SHQ1: variants seen among roughly 807,000 people sequenced by gnomAD.
SHQ1 encodes the protein protein SHQ1 homolog.
In SHQ1, 49 loss-of-function variants were observed where a neutral mutation model predicts 53.8. The ratio of observed to expected loss-of-function variants is 0.91; its 90% CI spans 0.72 to 1.16. The LOEUF (loss-of-function observed/expected upper bound fraction) is 1.16, where lower values mean the gene tolerates loss of function less well. Ranked by LOEUF, SHQ1 falls within the 50% of genes most tolerant of loss-of-function variation. The probability of loss-of-function intolerance (pLI) is 0.00; values close to 1 mark genes in which losing one functional copy is unlikely to be tolerated. For synonymous variants in SHQ1, 243 were observed against 251.0 expected, an observed-to-expected ratio of 0.97 and a Z score of 0.30; for missense variants, 738 against 683.1, an observed-to-expected ratio of 1.08 and a Z score of -0.90.
At chr3:72,808,103 T>G (rs1227714660) in intron 9 of SHQ1, among the ~76,000 whole-genome samples, 1 of 152,098 alleles carries the variant, frequency 6.6e-6, no homozygotes, top group Non-Finnish European at 1.5e-5. Flanking sequence ...ACTGTCCAAA[T>G]ATTAATAGAA....
rs1705326887 is a variant in SHQ1 at position 72,749,820 on chromosome 3, T to TA, written c.*463dup. 1 of 223,762 alleles carries TA rather than the reference T, an allele frequency of 4.5e-6. No homozygotes were observed. Among genetic ancestry groups the TA allele is most frequent in the African/African-American group, 2.2e-5 (1 of 44,754 alleles). The allele number at this position is 223,762 out of a possible 1,614,324, so 13.9% of individuals were successfully genotyped here. A position where few individuals can be genotyped will look rare whatever the true frequency, so the allele number is the denominator to read the frequency against. On this transcript the variant is annotated 3_prime_UTR_variant, in exon 11 of 11. Transcript: ENST00000325599. ...GTCGCGGCAAGGAAAACAAAAGGTA[T>TA]AAACATTCATTGGTTGAAAAACAAT...
chr3:72,741,925 A>G, the SHQ1 span, among the ~76,000 whole-genome samples: 1 of 152,260 alleles, frequency 6.6e-6, no homozygotes, highest in African/African-American at 2.4e-5. Context: ...TTTAAAGCAT[A>G]CAAGAGAATG....
At chr3:72,751,667 T>C (rs1705386020) in intron 10 of SHQ1, among the ~76,000 whole-genome samples, 1 of 151,708 alleles carries the variant, frequency 6.6e-6, no homozygotes, top group Non-Finnish European at 1.5e-5. Flanking sequence ...CTCTTAAATA[T>C]ATTAGATGTT....
At position 72,832,489 on chromosome 3, in the gene SHQ1, C is replaced by A. The variant is rs757385324; in HGVS notation, c.487-8G>T. On this transcript the variant is annotated splice_polypyrimidine_tract_variant and splice_region_variant and intron_variant, in intron 4 of 10. Transcript: ENST00000325599. ...AACATCACTCAGTTCATCCTGAGGA[C>A]ACCCAGAAAAGAAAGAATAATTGCT... 1.9e-6 allele frequency: 3 copies of A among 1,563,098 alleles called. No individual in the cohort carries two copies. Among genetic ancestry groups the A allele is most frequent in the Non-Finnish European group, 1.7e-6 (2 of 1,150,302 alleles).
intron 6 of SHQ1, among the ~76,000 whole-genome samples, chr3:72,824,045 C>A (rs561434979): frequency 6.6e-6 from 1 of 152,162 alleles, no homozygotes; most frequent in Admixed American, 6.5e-5. Context: ...GGTCTTCCCC[C>A]CGCCCGTTAC....
chr3:72,738,150 T>C, the SHQ1 span, among the ~76,000 whole-genome samples: 1 of 152,136 alleles, frequency 6.6e-6, no homozygotes, highest in African/African-American at 2.4e-5. Flanking sequence ...CTTTGGGAGA[T>C]CTTCCATGGC....
At chr3:72,758,626 A>C (rs1705549476) in intron 10 of SHQ1, among the ~76,000 whole-genome samples, 1 of 145,930 alleles carries the variant, frequency 6.9e-6, no homozygotes, top group South Asian at 2.1e-4. Context: ...CTGGAATGCA[A>C]TGGCACGATC....
intron 8 of SHQ1, among the ~76,000 whole-genome samples, chr3:72,814,095 T>G (rs915299330): frequency 2.0e-5 from 3 of 152,174 alleles, no homozygotes; most frequent in Admixed American, 2.0e-4. Context: ...ATAATTTACA[T>G]GTACATTAAT....
At chr3:72,804,007 C>A (rs1706866973) in intron 9 of SHQ1, among the ~76,000 whole-genome samples, 1 of 152,144 alleles carries the variant, frequency 6.6e-6, no homozygotes, top group South Asian at 2.1e-4. Context: ...ACCTCGAACT[C>A]CTGGGCTCAA....
At chr3:72,777,952 C>A (rs1250531201) in intron 10 of SHQ1, among the ~76,000 whole-genome samples, 1 of 152,092 alleles carries the variant, frequency 6.6e-6, no homozygotes, top group East Asian at 1.9e-4. Flanking sequence ...AATAGAAGAA[C>A]CATACATATA....
chr3:72,760,271 G>C (rs1304623469), intron 10 of SHQ1, among the ~76,000 whole-genome samples: 2 of 152,182 alleles, frequency 1.3e-5, no homozygotes, highest in Non-Finnish European at 2.9e-5. Flanking sequence ...TGGGAAAGAT[G>C]CTGGGAAGGA....
At chr3:72,817,555 T>A (rs1707355973) in intron 6 of SHQ1, among the ~76,000 whole-genome samples, 171 bp from the exon 7 acceptor site, 1 of 152,252 alleles carries the variant, frequency 6.6e-6, no homozygotes, top group Non-Finnish European at 1.5e-5. Context: ...TAGTAAGAGC[T>A]ATGAGTCTGC....
intron 5 of SHQ1, among the ~76,000 whole-genome samples, chr3:72,827,255 T>C (rs1707688949): frequency 6.6e-6 from 1 of 151,980 alleles, no homozygotes; most frequent in African/African-American, 2.4e-5. Context: ...TTTTTTAGGA[T>C]TTACAAACAG....
intron 9 of SHQ1, among the ~76,000 whole-genome samples, chr3:72,797,850 T>G (rs893458820): frequency 6.6e-6 from 1 of 152,224 alleles, no homozygotes; most frequent in Non-Finnish European, 1.5e-5. Context: ...CGTAGATGAC[T>G]ACAGCATCAC....
At chr3:72,748,981 A>G (rs865962501), downstream of SHQ1, among the ~76,000 whole-genome samples, 767 of 151,884 alleles carry the variant, frequency 5.0e-3, 6 homozygotes, top group African/African-American at 0.017. Context: ...GCACACACAC[A>G]CACACACACA....
intron 5 of SHQ1, among the ~76,000 whole-genome samples, chr3:72,828,777 G>A (rs1022594546): frequency 5.9e-5 from 9 of 152,272 alleles, no homozygotes; most frequent in East Asian, 1.9e-4. Context: ...ACGTGAGCAG[G>A]GAGTGGCAAA....
chr3:72,729,964 G>A, the SHQ1 span, among the ~76,000 whole-genome samples: 924 of 147,430 alleles, frequency 6.3e-3, 29 homozygotes, highest in Admixed American at 0.058. Context: ...GACTACAGGC[G>A]CCCGCCACCT....
intron 10 of SHQ1, among the ~76,000 whole-genome samples, chr3:72,789,717 C>A (rs1706377897): frequency 6.6e-6 from 1 of 152,152 alleles, no homozygotes; most frequent in Non-Finnish European, 1.5e-5. Context: ...TTCACATAGA[C>A]CTTAGCATTT....
the SHQ1 span, among the ~76,000 whole-genome samples, chr3:72,732,388 G>GCCTTCCTGCCTTCCTT: frequency 1.7e-5 from 1 of 58,112 alleles, no homozygotes; most frequent in Non-Finnish European, 3.7e-5. Flanking sequence ...CTGCCTGCCT[G>GCCTTCCTGCCTTCCTT]CCTTCCTTCC....
Sources: gnomAD v4.1 joint callset for allele counts (sites outside exome capture counted in the v4.1 genomes callset) on GRCh38, gnomAD v4.1.1 for gene constraint, MANE v1.5 for transcripts, NCBI Gene and HGNC (gene_info 2026-07-23, HGNC 2026-07-21) for gene names.